SF3B2: variants seen among roughly 807,000 people sequenced by gnomAD.
The protein encoded by SF3B2 is splicing factor 3b subunit 2.
Under a neutral mutation model 116.3 loss-of-function variants are expected in SF3B2, and 22 were observed. The observed-to-expected ratio is 0.19, with a 90% confidence interval of 0.14 to 0.27. The LOEUF (loss-of-function observed/expected upper bound fraction) is 0.27, where lower values mean the gene tolerates loss of function less well. SF3B2 is among the 10% of genes least tolerant of loss of function. The probability of loss-of-function intolerance (pLI) is 1.00; values close to 1 mark genes in which losing one functional copy is unlikely to be tolerated. For synonymous variants in SF3B2, 406 were observed against 421.6 expected (o/e 0.96, Z 0.45); for missense variants, 767 against 1,151.4 (o/e 0.67, Z 4.83).
At chr11:66,052,937 T>TG (rs1856912725) in intron 2 of SF3B2, 90 bp from the exon 3 acceptor site, 1 of 1,377,626 alleles carries the variant, frequency 7.3e-7, no homozygotes, top group African/African-American at 1.4e-5. Context: ...AGACAGGCAC[T>TG]GGGTACGTTT....
chr11:66,063,427 C>T lies in SF3B2; in HGVS notation c.2113C>T (p.Arg705Trp), dbSNP rs1483039802. The change falls in exon 18 of 22, where the codon CGG (arginine) becomes TGG (tryptophan). Residue 705 changes from arginine (R) to tryptophan (W), a missense_variant. Physicochemically the swap from Arg to Trp is moderately radical, Grantham distance 101. Around this residue, in one of 4 missense-constraint regions of SF3B2, gnomAD observed 282 missense variants for 568.0 expected, o/e 0.50. Coordinates refer to ENST00000322535, the MANE Select transcript of SF3B2 (RefSeq NM_006842.3). The stretch of plus-strand genomic sequence containing the variant: ...CAAGACTGAGGAAGAAGAGATTGAT[C>T]GGACCCCTTGGGGGGAACTGGAACC... Reference protein sequence around the residue: ...QTKTEEEEIDRTPWGELEPSD... With the variant: ...QTKTEEEEIDWTPWGELEPSD... The T allele has an allele frequency of 8.1e-6, 13 of 1,613,400 alleles. No homozygotes were observed. Among genetic ancestry groups the T allele is most frequent in the Admixed American group, 5.0e-5 (3 of 59,892 alleles).
chr11:66,052,728 TGGC>T lies in SF3B2; in HGVS notation c.180+15_180+17del. 4 of 1,561,944 alleles carry T rather than the reference TGGC, an allele frequency of 2.6e-6. No homozygotes were observed. Among genetic ancestry groups the T allele is most frequent in the Non-Finnish European group, 3.5e-6 (4 of 1,158,102 alleles). On this transcript the variant is annotated intron_variant, in intron 2 of 21. Transcript: ENST00000322535. ...AGAGCTACACCCGCCAGGTAGGTGT[TGGC>T]GGCGGGACGTCAGGATAGGCCGAGC...
chr11:66,055,016 G>A, intron 3 of SF3B2, 60 bp from the exon 4 acceptor site: 3 of 1,476,418 alleles, frequency 2.0e-6, no homozygotes, highest in Admixed American at 2.4e-5. Context: ...AGATCCCCCA[G>A]ATATTTGCAG....
chr11:66,054,266 C>T (rs1439704903), intron 3 of SF3B2, among the ~76,000 whole-genome samples: 1 of 151,612 alleles, frequency 6.6e-6, no homozygotes, highest in Admixed American at 6.6e-5. Flanking sequence ...CACTTGAGGT[C>T]ACGAGTTCAA....
chr11:66,067,780 C>A (rs477280), intron 19 of SF3B2, 166 bp from the exon 20 acceptor site: 182,715 of 612,570 alleles, frequency 0.3, 30,012 homozygotes, highest in East Asian at 0.51. Flanking sequence ...GCCACCCCCC[C>A]GCCCAATTCT....
chr11:66,058,742 G>T (rs760944318), intron 9 of SF3B2, 88 bp from the exon 10 acceptor site: 9 of 1,124,458 alleles, frequency 8.0e-6, no homozygotes, highest in South Asian at 3.0e-5. Flanking sequence ...GTTGAACTGT[G>T]GGGGAGAATG....
chr11:66,059,090 G>A lies in SF3B2; in HGVS notation c.1182+45G>A, dbSNP rs1411406789. The A allele has an allele frequency of 6.2e-7, 1 of 1,608,014 alleles. No homozygotes were observed. Among genetic ancestry groups the A allele is most frequent in the Non-Finnish European group, 8.5e-7 (1 of 1,175,436 alleles). On this transcript the variant is annotated intron_variant, in intron 10 of 21. Coordinates refer to ENST00000322535, the MANE Select transcript of SF3B2 (RefSeq NM_006842.3). The surrounding 1 kb of genome is among the most constrained non-coding windows in gnomAD (Gnocchi z 5.0). ...GGAAGGGGCAGTGCCAAACAGGGAA[G>A]GGGCTCAGAGGTGGGTGAGAGGCAG... is the stretch of plus-strand genomic sequence containing the variant.
chr11:66,058,881 C>G lies in SF3B2; in HGVS notation c.1018C>G (p.Arg340Gly). ...RKKKKKPQRV[R>G]GVSSESSGDR... is the part of the protein sequence containing the mutation. Reference sequence around the variant, plus strand: ...GAAGAAGAAAAAGCCCCAGCGGGTGCGAGGGGTGTCCTCTGAGAGCTCTGG... The same window carrying G: ...GAAGAAGAAAAAGCCCCAGCGGGTGGGAGGGGTGTCCTCTGAGAGCTCTGG... Residue 340 changes from arginine to glycine, a missense_variant, in exon 10 of 22, where the codon CGA becomes GGA. Transcript: ENST00000322535. 1.9e-6 allele frequency: 3 copies of G among 1,613,794 alleles called. No individual in the cohort carries two copies. Among genetic ancestry groups the G allele is most frequent in the Non-Finnish European group, 2.5e-6 (3 of 1,180,016 alleles).
rs1191519259 is a variant in SF3B2, at chr11:66,059,050, A to G, written c.1182+5A>G. The G allele has an allele frequency of 6.2e-7, 1 of 1,613,796 alleles. No individual in the cohort carries two copies. The highest frequency in any genetic ancestry group is 1.1e-5 in the South Asian group (1 of 91,064). ...AGGATCTTTGAGGCTTTTAAGGTACAAGGAGAGCACACTAGGAAGGGGCAG... is the reference window on the plus strand; with the variant it reads ...AGGATCTTTGAGGCTTTTAAGGTACGAGGAGAGCACACTAGGAAGGGGCAG... On this transcript the variant is annotated splice_donor_5th_base_variant and intron_variant, in intron 10 of 21. Transcript: ENST00000322535. The surrounding 1 kb of genome is among the most constrained non-coding windows in gnomAD (Gnocchi z 5.0).
At chr11:66,058,199 G>A (rs748305549) in intron 8 of SF3B2, 49 bp downstream of exon 8, 85 of 1,586,398 alleles carry the variant, frequency 5.4e-5, no homozygotes, top group Non-Finnish European at 7.3e-5. Context: ...TGGAGAGGCT[G>A]AGCTGAGTCC....
At chr11:66,058,594 C>A in intron 9 of SF3B2, 189 bp downstream of exon 9, 1 of 629,440 alleles carries the variant, frequency 1.6e-6, no homozygotes. Context: ...CATTTTACAG[C>A]TGAAAAAGCA....
Position 66,058,167 on chromosome 11 carries a change from C to G in SF3B2, c.874+17C>G, listed in dbSNP as rs1436431638. The stretch of plus-strand genomic sequence containing the variant: ...CTCAGCAGGGTGAGTGCCAGGCGTT[C>G]TGATGCTGTAGCCACAGAACCTGGA... On this transcript the variant is annotated intron_variant, in intron 8 of 21. Coordinates refer to ENST00000322535, the MANE Select transcript of SF3B2 (RefSeq NM_006842.3). 5 of 1,603,236 alleles carry G rather than the reference C, an allele frequency of 3.1e-6. No homozygotes were observed. The highest frequency in any genetic ancestry group is 4.3e-6 in the Non-Finnish European group (5 of 1,173,806).
chr11:66,053,808 T>TAAAA (rs1646265070), intron 3 of SF3B2: 1 of 152,548 alleles, frequency 6.6e-6, no homozygotes, highest in Admixed American at 6.6e-5. Context: ...ATAGCACACA[T>TAAAA]TTACCTATGT....
At chr11:66,056,148 T>C (rs1856989411) in intron 5 of SF3B2, among the ~76,000 whole-genome samples, 1 of 152,150 alleles carries the variant, frequency 6.6e-6, no homozygotes, top group African/African-American at 2.4e-5. Context: ...ACACCTGTAA[T>C]CCTAGCACTT....
intron 19 of SF3B2, chr11:66,065,729 C>T (rs557774091): frequency 6.6e-5 from 10 of 152,126 alleles, no homozygotes; most frequent in African/African-American, 2.4e-4. Flanking sequence ...CTATTATTTT[C>T]TTCTGTAATT....
rs1857039392 is a variant in SF3B2, at chr11:66,058,351, G to A, written c.912G>A (p.Leu304=). The change falls in exon 9 of 22, where the codon CTG becomes CTA. Residue 304 remains leucine, a synonymous_variant. Transcript: ENST00000322535. ...TGGAAACAGATGCTCGCTCGTCCCT[G>A]GGCCAGTCAGCGTCAGAGACTGAGG... The part of the protein sequence containing the change: ...EEMETDARSS[L]GQSASETEED... 1 of 1,614,076 alleles carries A rather than the reference G, an allele frequency of 6.2e-7. No homozygotes were observed.
At chr11:66,053,207 C>T in intron 3 of SF3B2, 103 bp downstream of exon 3, 1 of 1,074,492 alleles carries the variant, frequency 9.3e-7, no homozygotes, top group South Asian at 1.2e-5. Flanking sequence ...ATGTGACACC[C>T]TTGCACATTA....
intron 7 of SF3B2, 96 bp from the exon 8 acceptor site, chr11:66,057,958 G>A: frequency 1.1e-6 from 1 of 941,254 alleles, no homozygotes; most frequent in African/African-American, 2.0e-5. Flanking sequence ...GGCAACAAGA[G>A]CAAAACTCCG....
rs1857049960 is a variant in SF3B2 at position 66,058,875 on chromosome 11, C to T, written c.1012C>T (p.Arg338Trp). The change falls in exon 10 of 22, where the codon CGG becomes TGG. Residue 338 changes from arginine to tryptophan, a missense_variant. Coordinates refer to ENST00000322535, the MANE Select transcript of SF3B2 (RefSeq NM_006842.3). ...RNRKKKKKPQRVRGVSSESSG... is the reference protein window; with the variant it reads ...RNRKKKKKPQWVRGVSSESSG... The stretch of plus-strand genomic sequence containing the variant: ...CCGAAAGAAGAAGAAAAAGCCCCAG[C>T]GGGTGCGAGGGGTGTCCTCTGAGAG... 4 of 1,613,538 alleles carry T rather than the reference C, an allele frequency of 2.5e-6. No homozygotes were observed. The highest frequency in any genetic ancestry group is 1.3e-5 in the African/African-American group (1 of 74,998).
Sources: allele counts gnomAD v4.1 joint callset (sites outside exome capture counted in the v4.1 genomes callset), GRCh38; gene constraint gnomAD v4.1.1; regional missense constraint gnomAD v4.1.1; non-coding constraint Gnocchi (gnomAD v3.1); transcripts MANE v1.5; gene names NCBI Gene and HGNC (gene_info 2026-07-23, HGNC 2026-07-21).